The following PRH2 variants were observed in gnomAD, a reference collection of about 807,000 sequenced individuals.
PRH2 encodes the protein salivary acidic proline-rich phosphoprotein 1/2.
PRH2 carries 19 observed loss-of-function variants against 22.6 expected under a neutral mutation model. The ratio of observed to expected loss-of-function variants is 0.84; its 90% CI spans 0.59 to 1.23. The LOEUF (loss-of-function observed/expected upper bound fraction) is 1.23, where lower values mean the gene tolerates loss of function less well. Ranked by LOEUF, PRH2 falls within the 50% of genes most tolerant of loss-of-function variation. The pLI, the probability that PRH2 is intolerant of heterozygous loss-of-function variation, is 0.00. For synonymous variants in PRH2, 45 were observed against 72.0 expected, an observed-to-expected ratio of 0.63 and a Z score of 1.90; for missense variants, 109 against 203.0, an observed-to-expected ratio of 0.54 and a Z score of 2.81.
chr12:10,929,450 G>A, intron 1 of PRH2, 113 bp downstream of exon 1: 4 of 1,303,848 alleles, frequency 3.1e-6, no homozygotes, highest in Non-Finnish European at 4.3e-6. Flanking sequence ...TAGGACTGAA[G>A]AGTTCTCATG....
chr12:10,934,753 G>A lies in PRH2; in HGVS notation c.*2546G>A, dbSNP rs980572573. 1.3e-5 allele frequency among the ~76,000 whole-genome samples: 2 copies of A among 152,188 alleles called. No individual in the cohort carries two copies. The highest frequency in any genetic ancestry group is 4.8e-5 in the African/African-American group (2 of 41,544). On this transcript the variant is annotated 3_prime_UTR_variant, in exon 4 of 4. Transcript: ENST00000396400. ...CTGCATTCTGATCCAGATACTGTATGTTCTTAACATAAAGTGAAATTTCTC... is the reference window on the plus strand; with the variant it reads ...CTGCATTCTGATCCAGATACTGTATATTCTTAACATAAAGTGAAATTTCTC...
Position 10,930,370 on chromosome 12 carries a change from C to T in PRH2, c.100+66C>T, listed in dbSNP as rs372682319. The stretch of plus-strand genomic sequence containing the variant: ...TTCCCTGAAAAATTGATCAGTTCTC[C>T]AGTGTCTTCTTATCATCCTTGTCAG... On this transcript the variant is annotated intron_variant, in intron 2 of 3. Coordinates refer to ENST00000396400, the MANE Select transcript of PRH2 (RefSeq NM_001110213.1). 4 of 1,562,452 alleles carry T rather than the reference C, an allele frequency of 2.6e-6. No homozygotes were observed. In the African/African-American group the frequency reaches 4.1e-5, roughly 16 times the overall value.
rs1250921306 is a variant in PRH2 at position 10,932,229 on chromosome 12, G to A, written c.*22G>A. Reference sequence around the variant, plus strand: ...TAATCTTCCTTGTCTTTTTCAGGAAGTGAATAAGAAGATGACAGTGTTTCA... The same window carrying A: ...TAATCTTCCTTGTCTTTTTCAGGAAATGAATAAGAAGATGACAGTGTTTCA... On this transcript the variant is annotated 3_prime_UTR_variant, in exon 4 of 4. Coordinates refer to ENST00000396400, the MANE Select transcript of PRH2 (RefSeq NM_001110213.1). The A allele has an allele frequency of 2.3e-6, 1 of 435,912 alleles. No individual in the cohort carries two copies. The highest frequency in any genetic ancestry group is 2.0e-5 in the African/African-American group (1 of 49,916). 27.0% of individuals were successfully genotyped at this position (435,912 alleles called of 1,614,324 possible).
intron 1 of PRH2, 140 bp downstream of exon 1, chr12:10,929,477 C>A (rs1309318863): frequency 2.2e-5 from 22 of 999,554 alleles, no homozygotes; most frequent in Non-Finnish European, 3.0e-5. Flanking sequence ...ATCAGAAGAC[C>A]TGTTGTGCCT....
At position 10,931,078 on chromosome 12, in the gene PRH2, T is replaced by C. The variant is rs10772391; in HGVS notation, c.*16T>C. On this transcript the variant is annotated splice_region_variant and 3_prime_UTR_variant, in exon 3 of 4. Transcript: ENST00000396400. ...TCCTCAGTAATCTAGGATTCAATGA[T>C]AGGTATGATTCCAGTTTATTATCCA... The C allele has an allele frequency of 0.87, 1,216,418 of 1,400,572 alleles. 544,672 individuals are homozygous for C. The highest frequency in any genetic ancestry group is 0.96 in the East Asian group (42,204 of 44,016). 86.8% of individuals were successfully genotyped at this position (1,400,572 alleles called of 1,614,324 possible).
At chr12:10,929,361 T>C (rs771729682) in intron 1 of PRH2, 24 bp downstream of exon 1, 12 of 1,613,904 alleles carry the variant, frequency 7.4e-6, no homozygotes, top group East Asian at 2.2e-5. Context: ...GGGGAAGATA[T>C]TGTGACTCTG....
chr12:10,931,045 G>A lies in PRH2; in HGVS notation c.484G>A (p.Gly162Arg), dbSNP rs200938454. ...GGGCCGCCCACAAGGACCTCCACAG[G>A]GGCAGTCTCCTCAGTAATCTAGGAT... is the stretch of plus-strand genomic sequence containing the variant. ...QGGRPQGPPQ[G>R]QSPQ Residue 162 changes from glycine to arginine, a missense_variant, in exon 3 of 4, where the codon GGG becomes AGG. Gly to Arg is a moderately radical substitution (Grantham distance 125). Transcript: ENST00000396400. The A allele has an allele frequency of 6.0e-4, 951 of 1,586,576 alleles. No homozygotes were observed. Among genetic ancestry groups the A allele is most frequent in the Non-Finnish European group, 7.5e-4 (876 of 1,169,838 alleles).
rs558325997 is a variant in PRH2 at position 10,934,521 on chromosome 12, G to C, written c.*2314G>C. Among the ~76,000 whole-genome samples, 2 of 152,012 alleles carry C rather than the reference G, an allele frequency of 1.3e-5. No individual in the cohort carries two copies. The highest frequency in any genetic ancestry group is 2.9e-5 in the Non-Finnish European group (2 of 67,970). The stretch of plus-strand genomic sequence containing the variant: ...GGCATTTAGCATGGCTGCAAAGAGA[G>C]AGCTCCAATGTCTAAATGCAACGCT... On this transcript the variant is annotated 3_prime_UTR_variant, in exon 4 of 4. Transcript: ENST00000396400.
At chr12:10,929,504 C>A (rs1950171957) in intron 1 of PRH2, among the ~76,000 whole-genome samples, 167 bp downstream of exon 1, 1 of 152,058 alleles carries the variant, frequency 6.6e-6, no homozygotes, top group South Asian at 2.1e-4. Context: ...CTCATCAAGA[C>A]CTCATAATTT....
At chr12:10,929,896 G>A (rs1399731918) in intron 1 of PRH2, among the ~76,000 whole-genome samples, 1 of 152,192 alleles carries the variant, frequency 6.6e-6, no homozygotes, top group Non-Finnish European at 1.5e-5. Flanking sequence ...AAGTGGCTAT[G>A]TCTGGTGGCT....
intron 1 of PRH2, among the ~76,000 whole-genome samples, chr12:10,929,554 G>A (rs759321788): frequency 1.3e-5 from 2 of 152,086 alleles, no homozygotes; most frequent in Admixed American, 1.3e-4. Flanking sequence ...AATTTGTACC[G>A]GGGGAGTGAG....
chr12:10,931,282 A>G, intron 3 of PRH2: 1 of 1,118,742 alleles, frequency 8.9e-7, no homozygotes, highest in Admixed American at 2.9e-5. Flanking sequence ...AATTTTGAGA[A>G]TCACTATCTT....
At chr12:10,931,197 T>C in intron 3 of PRH2, 117 bp downstream of exon 3, 1 of 1,528,000 alleles carries the variant, frequency 6.5e-7, no homozygotes, top group Non-Finnish European at 8.8e-7. Flanking sequence ...AACACATTTC[T>C]CATGAGTTTT....
At position 10,933,626 on chromosome 12, in the gene PRH2, A is replaced by G. The variant is rs890286710; in HGVS notation, c.*1419A>G. Among the ~76,000 whole-genome samples the G allele has an allele frequency of 6.6e-6, 1 of 152,130 alleles. No homozygotes were observed. Among genetic ancestry groups the G allele is most frequent in the African/African-American group, 2.4e-5 (1 of 41,454 alleles). ...AAAAAAAATATGACCATCTCAAAAG[A>G]TGCCAACGTTGTCTTTGATAATATT... On this transcript the variant is annotated 3_prime_UTR_variant, in exon 4 of 4. Transcript: ENST00000396400.
chr12:10,930,217 T>C (rs1486321638), intron 1 of PRH2, 52 bp from the exon 2 acceptor site: 33 of 1,581,228 alleles, frequency 2.1e-5, no homozygotes, highest in Admixed American at 6.7e-5. Flanking sequence ...CACTATGAGC[T>C]CTGAATGATT....
chr12:10,931,042 C>T lies in PRH2; in HGVS notation c.481C>T (p.Gln161Ter), dbSNP rs373801794. Residue 161 changes from glutamine (Q) to a stop codon, truncating the protein, a stop_gained, in exon 3 of 4, where the codon CAG becomes TAG. Transcript: ENST00000396400. LOFTEE classifies it high-confidence loss of function. ...AGGGGGCCGCCCACAAGGACCTCCA[C>T]AGGGGCAGTCTCCTCAGTAATCTAG... Reference protein sequence around the residue: ...PQGGRPQGPPQGQSPQ With the variant: ...PQGGRPQGPP 88 of 1,587,514 alleles carry T rather than the reference C, an allele frequency of 5.5e-5. No homozygotes were observed. Among genetic ancestry groups the T allele is most frequent in the Non-Finnish European group, 7.3e-5 (85 of 1,170,222 alleles).
In PRH2 at chr12:10,932,360, T is replaced by C. The variant is rs984555012; in HGVS notation, c.*153T>C. 8 of 281,278 alleles carry C rather than the reference T, an allele frequency of 2.8e-5. No individual in the cohort carries two copies. Among genetic ancestry groups the C allele is most frequent in the East Asian group, 8.0e-5 (1 of 12,558 alleles). 17.4% of individuals were successfully genotyped at this position (281,278 alleles called of 1,614,324 possible). ...ATCTCCTTCTGAGTGTTTGGGACTC[T>C]GGAATCTGAGACCCATGTTCACATT... On this transcript the variant is annotated 3_prime_UTR_variant, in exon 4 of 4. Coordinates refer to ENST00000396400, the MANE Select transcript of PRH2 (RefSeq NM_001110213.1).
intron 1 of PRH2, among the ~76,000 whole-genome samples, chr12:10,929,595 G>A (rs554290314): frequency 6.6e-6 from 1 of 152,262 alleles, no homozygotes; most frequent in Non-Finnish European, 1.5e-5. Context: ...AGAGACATGG[G>A]ACTGCTGGGA....
intron 1 of PRH2, 25 bp from the exon 2 acceptor site, chr12:10,930,244 C>T (rs201301366): frequency 1.1e-4 from 181 of 1,611,588 alleles, no homozygotes; most frequent in Non-Finnish European, 1.5e-4. Flanking sequence ...GTAACTTTTC[C>T]CATCATCCTG....
Sources: gnomAD v4.1 joint callset for allele counts (sites outside exome capture counted in the v4.1 genomes callset) on GRCh38, gnomAD v4.1.1 for gene constraint, MANE v1.5 for transcripts, NCBI Gene and HGNC (gene_info 2026-07-23, HGNC 2026-07-21) for gene names.